Variants in UBR1 observed in about 807,000 individuals in gnomAD.
The protein encoded by UBR1 is ubiquitin protein ligase E3 component n-recognin 1.
A neutral mutation model predicts 242.1 loss-of-function variants in UBR1; 102 were observed. The observed-to-expected ratio is 0.42, with a 90% CI of 0.36 to 0.50. The LOEUF (loss-of-function observed/expected upper bound fraction) is 0.50, where lower values mean the gene tolerates loss of function less well. Ranked by LOEUF, UBR1 falls within the 20% of genes least tolerant of loss-of-function variation. The probability of loss-of-function intolerance (pLI) is 0.01; values close to 1 mark genes in which losing one functional copy is unlikely to be tolerated. For missense variants in UBR1, 1,772 were observed against 2,101.8 expected, an observed-to-expected ratio of 0.84 and a Z score of 3.07; for synonymous variants, 675 against 684.8, an observed-to-expected ratio of 0.99 and a Z score of 0.22.
At chr15:42,992,267 T>C (rs1447648922) in intron 33 of UBR1, among the ~76,000 whole-genome samples, 1 of 152,226 alleles carries the variant, frequency 6.6e-6, no homozygotes, top group African/African-American at 2.4e-5. Flanking sequence ...CATCTCAGGA[T>C]TGGCATTTGG....
intron 1 of UBR1, among the ~76,000 whole-genome samples, chr15:43,099,260 C>A (rs1389035950): frequency 6.6e-6 from 1 of 151,964 alleles, no homozygotes; most frequent in Non-Finnish European, 1.5e-5. Context: ...TTGCTTGAAC[C>A]CAGGAGGCAG....
rs780790238 is a variant in UBR1, at chr15:43,020,116, C to T, written c.2940+1159G>A. On this transcript the variant is annotated intron_variant, in intron 27 of 46. Transcript: ENST00000290650. ...GTGCAGTGGTGCGATCTTGGCTCAC[C>T]GCAATCTCCACCTCCCTGGTTCAAG... Among the ~76,000 whole-genome samples, 44 of 151,952 alleles carry T rather than the reference C, an allele frequency of 2.9e-4. 1 individual carries two copies. Among genetic ancestry groups the T allele is most frequent in the Non-Finnish European group, 4.6e-4 (31 of 67,954 alleles).
intron 30 of UBR1, among the ~76,000 whole-genome samples, chr15:43,004,225 C>A (rs1158942274): frequency 1.3e-5 from 2 of 152,004 alleles, no homozygotes; most frequent in African/African-American, 4.8e-5. Context: ...TTCTATGTTT[C>A]CAAGATAATT....
chr15:43,019,761 ATT>A (rs11413335), intron 27 of UBR1, among the ~76,000 whole-genome samples: 1 of 138,186 alleles, frequency 7.2e-6, no homozygotes. Flanking sequence ...CGCCCAGCTA[ATT>A]TTTTTTTTTT....
intron 1 of UBR1, 64 bp from the exon 2 acceptor site, chr15:43,086,304 C>A: frequency 6.4e-7 from 1 of 1,553,780 alleles, no homozygotes; most frequent in Non-Finnish European, 8.8e-7. Context: ...TCTAGGGGCA[C>A]AAATAATGAC....
At chr15:43,077,166 T>G (rs1292087483) in intron 3 of UBR1, among the ~76,000 whole-genome samples, 2 of 103,478 alleles carry the variant, frequency 1.9e-5, no homozygotes, top group Non-Finnish European at 3.8e-5. Context: ...AGCGGCTCAT[T>G]GGGGATGGGC....
chr15:43,056,840 T>C (rs1425449158), intron 10 of UBR1, among the ~76,000 whole-genome samples: 1 of 152,174 alleles, frequency 6.6e-6, no homozygotes, highest in East Asian at 1.9e-4. Flanking sequence ...ATTTAACAAC[T>C]GATATGACCC....
At chr15:42,959,446 A>G (rs1447685276) in intron 43 of UBR1, among the ~76,000 whole-genome samples, 3 of 152,170 alleles carry the variant, frequency 2.0e-5, no homozygotes, top group Non-Finnish European at 4.4e-5. Context: ...TTAAATTTCT[A>G]TAGCACTAAT....
At chr15:43,036,628 A>T in intron 17 of UBR1, 35 bp from the exon 18 acceptor site, 1 of 1,406,190 alleles carries the variant, frequency 7.1e-7, no homozygotes, top group Non-Finnish European at 1.0e-6. Flanking sequence ...TCCTAAAAGA[A>T]TTATTTTATT....
chr15:43,027,882 T>G (rs368876232), intron 21 of UBR1, 54 bp from the exon 22 acceptor site: 964 of 1,371,870 alleles, frequency 7.0e-4, no homozygotes, highest in Non-Finnish European at 9.3e-4. Context: ...CTTCCACCTC[T>G]CTGTGAAGTG....
chr15:43,017,288 T>A (rs1419402373), intron 27 of UBR1, 107 bp from the exon 28 acceptor site: 3 of 765,330 alleles, frequency 3.9e-6, no homozygotes, highest in Non-Finnish European at 6.7e-6. Context: ...CAAATGTCTT[T>A]CACTTAAACT....
In UBR1 at chr15:43,043,251, C is replaced by A; in HGVS notation, c.1813G>T (p.Val605Leu). The change falls in exon 15 of 47, where the codon GTA becomes TTA. Residue 605 changes from valine to leucine, a missense_variant. Transcript: ENST00000290650. ...CTAGAGAGTGGCAGATGTATGCTTA[C>A]AAGATCCTCAGATACTCTGTAGGAC... ...TKSYRVSEDLVSIHLPLSRTL... is the reference protein window; with the variant it reads ...TKSYRVSEDLLSIHLPLSRTL... 1 of 1,614,128 alleles carries A rather than the reference C, an allele frequency of 6.2e-7. No individual in the cohort carries two copies. The highest frequency in any genetic ancestry group is 8.5e-7 in the Non-Finnish European group (1 of 1,180,008).
chr15:42,949,339 T>C (rs968992534), intron 46 of UBR1, among the ~76,000 whole-genome samples: 7 of 149,722 alleles, frequency 4.7e-5, no homozygotes, highest in Admixed American at 1.3e-4. Flanking sequence ...AAATGATGAG[T>C]TAATGGGTGC....
chr15:43,092,952 AT>A (rs2034120648), intron 1 of UBR1, among the ~76,000 whole-genome samples: 3 of 152,066 alleles, frequency 2.0e-5, no homozygotes, highest in Admixed American at 2.0e-4. Flanking sequence ...AATAGGTTTG[AT>A]TTTTTGCCTT....
chr15:42,953,587 A>C (rs1348839268), intron 44 of UBR1, among the ~76,000 whole-genome samples: 1 of 152,238 alleles, frequency 6.6e-6, no homozygotes, highest in Non-Finnish European at 1.5e-5. Flanking sequence ...GGATAAAGCC[A>C]ACATCTTCTT....
In UBR1 at chr15:43,070,918, C is replaced by T. The variant is rs376029932; in HGVS notation, c.536G>A (p.Arg179His). ...AATTACCTCTTCATTCAACGGACAG[C>T]GTGAATTCTATAAAAAAGCCGAGAA... Reference protein sequence around the residue: ...GRAGTIKENSRCPLNEEVIVQ... With the variant: ...GRAGTIKENSHCPLNEEVIVQ... The change falls in exon 5 of 47, where the codon CGC (arginine) becomes CAC (histidine). Residue 179 changes from arginine to histidine, a missense_variant. Arg to His is a conservative substitution (Grantham distance 29). This residue lies in a region of UBR1 where 734 missense variants were observed against 893.3 expected (regional missense o/e 0.82). Coordinates refer to ENST00000290650, the MANE Select transcript of UBR1 (RefSeq NM_174916.3). 46 of 1,612,918 alleles carry T rather than the reference C, an allele frequency of 2.9e-5. No individual in the cohort carries two copies. In the African/African-American group the frequency reaches 2.9e-4, roughly 10 times the overall value.
At chr15:42,973,322 A>G (rs2032236388) in intron 39 of UBR1, among the ~76,000 whole-genome samples, 1 of 152,014 alleles carries the variant, frequency 6.6e-6, no homozygotes, top group South Asian at 2.1e-4. Context: ...TTTGAGACCA[A>G]GTCTTGTTCC....
intron 29 of UBR1, among the ~76,000 whole-genome samples, chr15:43,010,617 G>A (rs2141292144): frequency 6.6e-6 from 1 of 152,168 alleles, no homozygotes; most frequent in Admixed American, 6.5e-5. Context: ...CAGGATTTGG[G>A]CTGGTGCTCA....
At chr15:42,946,072 C>T (rs2031728416) in intron 46 of UBR1, among the ~76,000 whole-genome samples, 3 of 152,272 alleles carry the variant, frequency 2.0e-5, no homozygotes, top group South Asian at 4.1e-4. Flanking sequence ...ACTGTGAGAT[C>T]CTAATTCCTT....
Sources: gnomAD v4.1 joint callset for allele counts (sites outside exome capture counted in the v4.1 genomes callset) on GRCh38, gnomAD v4.1.1 for gene constraint, gnomAD v4.1.1 regional missense constraint, MANE v1.5 for transcripts, NCBI Gene and HGNC (gene_info 2026-07-23, HGNC 2026-07-21) for gene names.